Variants in NOL11 observed in about 807,000 individuals in gnomAD.
The protein encoded by NOL11 is nucleolar protein 11.
NOL11 carries 42 observed loss-of-function variants against 93.0 expected under a neutral mutation model. The observed-to-expected ratio is 0.45, with a 90% CI of 0.35 to 0.58. The LOEUF (loss-of-function observed/expected upper bound fraction) is 0.58. Among genes scored for constraint, NOL11 ranks in the 20% least tolerant of loss-of-function variants. NOL11 has a pLI of 0.00. For synonymous variants in NOL11, 296 were observed against 293.7 expected (o/e 1.01, Z -0.08); for missense variants, 775 against 841.8 (o/e 0.92, Z 0.98).
intron 7 of NOL11, among the ~76,000 whole-genome samples, chr17:67,732,845 A>AT (rs1459674520): frequency 6.6e-6 from 1 of 151,550 alleles, no homozygotes; most frequent in African/African-American, 2.4e-5. Flanking sequence ...AAGTGCTAGG[A>AT]TTACAGGCAT....
Position 67,726,492 on chromosome 17 carries a change from C to T in NOL11, c.697C>T (p.Pro233Ser), listed in dbSNP as rs769464386. Residue 233 changes from proline (P) to serine (S), a missense_variant, in exon 7 of 18, where the codon CCA becomes TCA. Physicochemically the swap from Pro to Ser is moderately conservative, Grantham distance 74. Transcript: ENST00000253247. ...TGGTTGTATATATGAAACCTTGATA[C>T]CAATACGTCCAGCTGACCCAGAAAA... ...SDGCIYETLIPIRPADPEKNQ... is the reference protein window; with the variant it reads ...SDGCIYETLISIRPADPEKNQ... 9 of 1,613,210 alleles carry T rather than the reference C, an allele frequency of 5.6e-6. No individual in the cohort carries two copies. The highest frequency in any genetic ancestry group is 1.3e-5 in the African/African-American group (1 of 74,878).
chr17:67,719,668 C>T lies in NOL11; in HGVS notation c.142-6C>T, dbSNP rs770549507. The T allele has an allele frequency of 2.1e-6, 3 of 1,422,680 alleles. No homozygotes were observed. The highest frequency in any genetic ancestry group is 2.4e-5 in the South Asian group (2 of 83,780). The allele number at this position is 1,422,680 out of a possible 1,614,324, so 88.1% of individuals were successfully genotyped here. A position where few individuals can be genotyped will look rare whatever the true frequency, so the allele number is the denominator to read the frequency against. ...TTGAATATTGTATTTATCTTAATTT[C>T]ATTAGGTTTCTGATCAGAAACCCTT... On this transcript the variant is annotated splice_region_variant and splice_polypyrimidine_tract_variant and intron_variant, in intron 1 of 17. Transcript: ENST00000253247.
chr17:67,734,598 C>T (rs2055184474), intron 8 of NOL11, among the ~76,000 whole-genome samples, 159 bp downstream of exon 8: 1 of 152,132 alleles, frequency 6.6e-6, no homozygotes. Flanking sequence ...ATTTTTCTGC[C>T]TAATAAATAT....
intron 7 of NOL11, among the ~76,000 whole-genome samples, chr17:67,729,060 G>A (rs930924326): frequency 1.3e-5 from 2 of 150,944 alleles, no homozygotes; most frequent in African/African-American, 2.4e-5. Context: ...ACTGGTGTTC[G>A]TTGTGCATCT....
At chr17:67,718,332 G>T (rs553579969) in intron 1 of NOL11, among the ~76,000 whole-genome samples, 1 of 152,276 alleles carries the variant, frequency 6.6e-6, no homozygotes, top group African/African-American at 2.4e-5. Context: ...ACTCGGAAAA[G>T]AAAGAAAACC....
intron 4 of NOL11, 118 bp downstream of exon 4, chr17:67,721,644 C>T: frequency 1.2e-6 from 1 of 803,948 alleles, no homozygotes; most frequent in Non-Finnish European, 2.0e-6. Context: ...TTAAAAATCA[C>T]TTACAAAACA....
intron 5 of NOL11, among the ~76,000 whole-genome samples, chr17:67,722,954 G>A (rs1366895376): frequency 2.7e-5 from 4 of 150,742 alleles, no homozygotes; most frequent in African/African-American, 9.8e-5. Flanking sequence ...GCCTTTCAAA[G>A]TCCTGGAATT....
chr17:67,737,093 TGA>T lies in NOL11; in HGVS notation c.1168_1169del (p.Ser390PhefsTer24). 1 of 1,610,938 alleles carries T rather than the reference TGA, an allele frequency of 6.2e-7. No homozygotes were observed. The highest frequency in any genetic ancestry group is 8.5e-7 in the Non-Finnish European group (1 of 1,177,262). On this transcript the variant is annotated frameshift_variant, in exon 11 of 18. Coordinates refer to ENST00000253247, the MANE Select transcript of NOL11 (RefSeq NM_015462.5). LOFTEE classifies it high-confidence loss of function. ...CAGTTAAGGAGACGAAAAATTGAAGTGAGTTTACAGCCAGAGGTTCCACCATC... is the reference window on the plus strand; with the variant it reads ...CAGTTAAGGAGACGAAAAATTGAAGTGTTTACAGCCAGAGGTTCCACCATC...
At position 67,743,499 on chromosome 17, in the gene NOL11, A is replaced by G. The variant is rs1045161754; in HGVS notation, c.1956A>G (p.Leu652=). 1.0e-5 allele frequency: 16 copies of G among 1,558,436 alleles called. No individual in the cohort carries two copies. Among genetic ancestry groups the G allele is most frequent in the Non-Finnish European group, 1.3e-5 (15 of 1,132,936 alleles). Residue 652 remains leucine (L), a synonymous_variant, in exon 17 of 18, where the codon CTA becomes CTG. Transcript: ENST00000253247. ...TLNQIMDWIC[L]LLDANFTVVV... The stretch of plus-strand genomic sequence containing the variant: ...TTCAGATTATGGATTGGATATGTCT[A>G]CTTCTGGATGCAAATTTTACTGTTG...
chr17:67,720,761 G>A (rs866960955), intron 3 of NOL11, among the ~76,000 whole-genome samples: 2 of 152,232 alleles, frequency 1.3e-5, no homozygotes, highest in South Asian at 2.1e-4. Flanking sequence ...GTTCTTTCCA[G>A]TTCTAAATGT....
chr17:67,735,792 G>A, intron 8 of NOL11, 108 bp from the exon 9 acceptor site: 1 of 683,784 alleles, frequency 1.5e-6, no homozygotes, highest in Non-Finnish European at 2.2e-6. Context: ...TGCTTACTTT[G>A]CCTCGTTTTT....
Position 67,737,474 on chromosome 17 carries a change from T to G in NOL11, c.1219-34T>G, listed in dbSNP as rs773591646. On this transcript the variant is annotated intron_variant, in intron 11 of 17. Coordinates refer to ENST00000253247, the MANE Select transcript of NOL11 (RefSeq NM_015462.5). ...AAGTTCAGAGTGACATTCGTTAATG[T>G]GCCAAACTGAATTCTTTAATTCTGC... 7.2e-6 allele frequency: 11 copies of G among 1,536,630 alleles called. No individual in the cohort carries two copies. The South Asian group carries it at 1.3e-4, about 19-fold the overall frequency.
At chr17:67,738,032 G>GATT in intron 13 of NOL11, 60 bp downstream of exon 13, 1 of 1,560,624 alleles carries the variant, frequency 6.4e-7, no homozygotes, top group East Asian at 2.2e-5. Context: ...TACATTATTT[G>GATT]ATTTCCAAAA....
At chr17:67,726,766 G>A in intron 7 of NOL11, 118 bp downstream of exon 7, 1 of 738,770 alleles carries the variant, frequency 1.4e-6, no homozygotes, top group Non-Finnish European at 2.0e-6. Context: ...CTCTTTATCA[G>A]CATACTCAAT....
In NOL11 at chr17:67,743,506, G is replaced by A. The variant is rs779449337; in HGVS notation, c.1963G>A (p.Asp655Asn). ...TATGGATTGGATATGTCTACTTCTG[G>A]ATGCAAATTTTACTGTTGTTGTAAT... ...QIMDWICLLLDANFTVVVMMP... is the reference protein window; with the variant it reads ...QIMDWICLLLNANFTVVVMMP... The change falls in exon 17 of 18, where the codon GAT becomes AAT. Residue 655 changes from aspartate to asparagine, a missense_variant. Physicochemically the swap from Asp to Asn is conservative, Grantham distance 23. Around this residue, in one of 2 missense-constraint regions of NOL11, gnomAD observed 416 missense variants for 525.2 expected, o/e 0.79. Transcript: ENST00000253247. 1 of 1,578,436 alleles carries A rather than the reference G, an allele frequency of 6.3e-7. No individual in the cohort carries two copies. Among genetic ancestry groups the A allele is most frequent in the Non-Finnish European group, 8.7e-7 (1 of 1,151,210 alleles).
chr17:67,721,351 A>C, intron 3 of NOL11, 27 bp from the exon 4 acceptor site: 1 of 1,463,846 alleles, frequency 6.8e-7, no homozygotes, highest in Non-Finnish European at 9.1e-7. Context: ...TTTAGAATAA[A>C]AATTAAAATT....
intron 7 of NOL11, among the ~76,000 whole-genome samples, chr17:67,732,256 C>T (rs998461621): frequency 2.6e-5 from 4 of 151,964 alleles, no homozygotes; most frequent in African/African-American, 9.7e-5. Flanking sequence ...CCAAGGTGGC[C>T]GGATCACCCA....
At chr17:67,722,524 G>A in intron 4 of NOL11, 56 bp from the exon 5 acceptor site, 3 of 1,536,606 alleles carry the variant, frequency 2.0e-6, no homozygotes, top group Non-Finnish European at 2.6e-6. Flanking sequence ...ATTGATATGT[G>A]TCTCCCAGCT....
At chr17:67,720,046 T>TCCCAGAGGTATTAAAATA in intron 3 of NOL11, 84 bp downstream of exon 3, 2 of 1,274,270 alleles carry the variant, frequency 1.6e-6, no homozygotes, top group Non-Finnish European at 2.1e-6. Context: ...TTATTTATTT[T>TCCCAGAGGTATTAAAATA]AATACCTCTG....
Sources: allele counts gnomAD v4.1 joint callset (sites outside exome capture counted in the v4.1 genomes callset), GRCh38; gene constraint gnomAD v4.1.1; regional missense constraint gnomAD v4.1.1; transcripts MANE v1.5; gene names NCBI Gene and HGNC (gene_info 2026-07-23, HGNC 2026-07-21).